Variants in CPVL observed in about 807,000 individuals in gnomAD.
CPVL encodes probable serine carboxypeptidase CPVL.
In CPVL, 51 loss-of-function variants were observed where a neutral mutation model predicts 63.7. The ratio of observed to expected loss-of-function variants is 0.80; its 90% CI spans 0.64 to 1.01. The LOEUF (loss-of-function observed/expected upper bound fraction) is 1.01, where lower values mean the gene tolerates loss of function less well. CPVL is among the 50% of genes least tolerant of loss of function. The pLI, the probability that CPVL is intolerant of heterozygous loss-of-function variation, is 0.00. For missense variants in CPVL, 530 were observed against 573.1 expected (o/e 0.92, Z 0.77); for synonymous variants, 195 against 206.0 (o/e 0.95, Z 0.46).
In CPVL at chr7:29,109,953, C is replaced by T. The variant is rs185357655; in HGVS notation, c.288+2751G>A. Among the ~76,000 whole-genome samples, 160 of 152,294 alleles carry T rather than the reference C, an allele frequency of 1.1e-3. 1 individual carries two copies. The highest frequency in any genetic ancestry group is 3.1e-3 in the East Asian group (16 of 5,180). ...AGAGCATGCAAACTAAATTCCTTTC[C>T]ATGAACAGGTTTACGGTGCCAAAGC... On this transcript the variant is annotated intron_variant, in intron 3 of 12. Coordinates refer to ENST00000265394, the MANE Select transcript of CPVL (RefSeq NM_031311.5).
In CPVL at chr7:29,110,000, G is replaced by C. The variant is rs374045518; in HGVS notation, c.288+2704C>G. Among the ~76,000 whole-genome samples the C allele has an allele frequency of 7.2e-5, 11 of 152,304 alleles. No homozygotes were observed. In the East Asian group the frequency reaches 2.1e-3, roughly 29 times the overall value. ...AAGCACCACCTACATTCTAGACATA[G>C]CTGTTCACCTGCCCAGAGGCAACCT... On this transcript the variant is annotated intron_variant, in intron 3 of 12. Transcript: ENST00000265394.
At chr7:29,113,045 G>T in intron 2 of CPVL, 1 of 447,716 alleles carries the variant, frequency 2.2e-6, no homozygotes, top group East Asian at 3.3e-5. Context: ...AAGCCTTTGG[G>T]GAGGGGTGCC....
chr7:29,120,058 C>A (rs1349306501), intron 2 of CPVL, among the ~76,000 whole-genome samples: 1 of 152,250 alleles, frequency 6.6e-6, no homozygotes, highest in African/African-American at 2.4e-5. Flanking sequence ...CTCAACCATG[C>A]AGGTAATTCA....
intron 7 of CPVL, among the ~76,000 whole-genome samples, chr7:29,082,798 A>G (rs1031853878): frequency 1.3e-5 from 2 of 152,234 alleles, no homozygotes; most frequent in African/African-American, 4.8e-5. Context: ...AACCAAGTCA[A>G]ATTTTTCATC....
intron 1 of CPVL, among the ~76,000 whole-genome samples, chr7:29,129,094 T>A (rs1790401037): frequency 6.6e-6 from 1 of 152,222 alleles, no homozygotes; most frequent in African/African-American, 2.4e-5. Context: ...ATTGCTCTGG[T>A]TGCTATCTAA....
intron 2 of CPVL, among the ~76,000 whole-genome samples, chr7:29,113,102 A>G (rs1176265096): frequency 6.6e-6 from 1 of 152,016 alleles, no homozygotes; most frequent in Non-Finnish European, 1.5e-5. Context: ...AAGTTCTTTT[A>G]AAAAGAAGAA....
At chr7:29,181,472 T>G (rs1419293752) in intron 4 of CPVL, 1 of 152,048 alleles carries the variant, frequency 6.6e-6, no homozygotes, top group Non-Finnish European at 1.5e-5. Flanking sequence ...TGTCCAAGAG[T>G]AATTCAGAAA....
At chr7:29,114,522 C>G (rs140681394) in intron 2 of CPVL, among the ~76,000 whole-genome samples, 1 of 151,896 alleles carries the variant, frequency 6.6e-6, no homozygotes, top group Admixed American at 6.6e-5. Context: ...CCCAGCAACT[C>G]GGGAGGCTGA....
chr7:29,025,038 G>C (rs1177504361), intron 12 of CPVL, among the ~76,000 whole-genome samples: 1 of 152,142 alleles, frequency 6.6e-6, no homozygotes, highest in African/African-American at 2.4e-5. Flanking sequence ...AGAAAACAAT[G>C]AACAAAATGG....
At chr7:29,175,315 C>T (rs1328882525) in intron 5 of CPVL, among the ~76,000 whole-genome samples, 2 of 152,214 alleles carry the variant, frequency 1.3e-5, no homozygotes, top group Admixed American at 1.3e-4. Flanking sequence ...GCTGGGATTA[C>T]AGGCGCATGC....
intron 5 of CPVL, among the ~76,000 whole-genome samples, chr7:29,178,540 GAC>G (rs1797657607): frequency 6.6e-6 from 1 of 152,096 alleles, no homozygotes; most frequent in South Asian, 2.1e-4. Context: ...TCCTCCGAGA[GAC>G]GTTGCCTGAC....
intron 11 of CPVL, among the ~76,000 whole-genome samples, chr7:29,052,573 A>G (rs1427746766): frequency 2.0e-5 from 3 of 151,978 alleles, no homozygotes; most frequent in Admixed American, 6.6e-5. Flanking sequence ...AGAGAATAGG[A>G]AAAAAAATCA....
chr7:29,099,791 T>G (rs1786892451), intron 3 of CPVL, among the ~76,000 whole-genome samples: 1 of 152,078 alleles, frequency 6.6e-6, no homozygotes, highest in African/African-American at 2.4e-5. Flanking sequence ...GGAAGCAGAG[T>G]GAGCCGTGGA....
rs62442657 is a variant in CPVL at position 29,089,779 on chromosome 7, C to A, written c.542+2844G>T. On this transcript the variant is annotated intron_variant, in intron 6 of 12. Coordinates refer to ENST00000265394, the MANE Select transcript of CPVL (RefSeq NM_031311.5). ...AGCTGCTACTCGGACTAGGCAGTAG[C>A]CCTGCAGGAGCAGACACGGAGTTGT... 5.0e-3 allele frequency among the ~76,000 whole-genome samples: 754 copies of A among 152,270 alleles called. 1 individual carries two copies. Among genetic ancestry groups the A allele is most frequent in the Non-Finnish European group, 7.9e-3 (537 of 68,014 alleles).
chr7:29,001,407 ATGC>A (rs1784624100), intron 12 of CPVL: 1 of 152,220 alleles, frequency 6.6e-6, no homozygotes, highest in Non-Finnish European at 1.5e-5. Flanking sequence ...CACTACTTTT[ATGC>A]CATTCCACAT....
intron 12 of CPVL, chr7:29,012,474 A>G (rs1260115959): frequency 6.6e-6 from 1 of 152,248 alleles, no homozygotes; most frequent in African/African-American, 2.4e-5. Context: ...TGATCTATCA[A>G]TAATTAAAAA....
intron 1 of CPVL, among the ~76,000 whole-genome samples, chr7:29,138,462 G>T (rs1215217023): frequency 6.6e-6 from 1 of 151,976 alleles, no homozygotes; most frequent in African/African-American, 2.4e-5. Context: ...ATAAGAAGAA[G>T]AAGAAGAAAG....
intron 1 of CPVL, among the ~76,000 whole-genome samples, chr7:29,145,474 G>T (rs1584396745): frequency 6.6e-6 from 1 of 151,562 alleles, no homozygotes; most frequent in East Asian, 1.9e-4. Context: ...GACCCACTGG[G>T]GTTGCAGTGA....
chr7:29,185,892 G>A (rs1304657279), intron 2 of CPVL, among the ~76,000 whole-genome samples: 1 of 152,184 alleles, frequency 6.6e-6, no homozygotes, highest in Non-Finnish European at 1.5e-5. Flanking sequence ...TGTCCTATGT[G>A]TTGGTCCCTC....
Sources: gnomAD v4.1 joint callset for allele counts (sites outside exome capture counted in the v4.1 genomes callset) on GRCh38, gnomAD v4.1.1 for gene constraint, MANE v1.5 for transcripts, NCBI Gene and HGNC (gene_info 2026-07-23, HGNC 2026-07-21) for gene names.